Variants in SPHKAP observed in about 807,000 individuals in gnomAD.
SPHKAP encodes the protein A-kinase anchor protein SPHKAP.
A neutral mutation model predicts 137.5 loss-of-function variants in SPHKAP; 67 were observed. The observed-to-expected ratio is 0.49, with a 90% CI of 0.40 to 0.60. The LOEUF (loss-of-function observed/expected upper bound fraction) is 0.60. Among genes scored for constraint, SPHKAP ranks in the 20% least tolerant of loss-of-function variants. The probability of loss-of-function intolerance (pLI) is 0.00; values close to 1 mark genes in which losing one functional copy is unlikely to be tolerated. For missense variants in SPHKAP, 2,097 were observed against 2,069.3 expected, an observed-to-expected ratio of 1.01 and a Z score of -0.26; for synonymous variants, 813 against 785.3, an observed-to-expected ratio of 1.04 and a Z score of -0.59.
chr2:227,994,586 G>A (rs923829149), intron 8 of SPHKAP, among the ~76,000 whole-genome samples: 3 of 152,056 alleles, frequency 2.0e-5, no homozygotes, highest in Non-Finnish European at 2.9e-5. Context: ...GGATGCCCTC[G>A]AATTTAAATT....
At chr2:228,157,835 G>A (rs1015024475) in intron 1 of SPHKAP, among the ~76,000 whole-genome samples, 13 of 152,148 alleles carry the variant, frequency 8.5e-5, no homozygotes, top group African/African-American at 2.4e-4. Flanking sequence ...CCACAGAGGT[G>A]TAGTAGTTGT....
intron 1 of SPHKAP, among the ~76,000 whole-genome samples, chr2:228,154,510 CTCTATATA>C (rs1240252825): frequency 5.3e-5 from 2 of 37,518 alleles, no homozygotes; most frequent in African/African-American, 2.1e-4. Context: ...CTCTCTCTCT[CTCTATATA>C]TATATATATA....
chr2:228,165,048 G>A (rs1408852153), intron 1 of SPHKAP, among the ~76,000 whole-genome samples: 1 of 152,054 alleles, frequency 6.6e-6, no homozygotes, highest in Non-Finnish European at 1.5e-5. Context: ...ATCAATATTA[G>A]TACTGAATAA....
intron 3 of SPHKAP, among the ~76,000 whole-genome samples, chr2:228,079,884 G>C (rs76664130): frequency 6.6e-6 from 1 of 152,262 alleles, no homozygotes; most frequent in South Asian, 2.1e-4. Flanking sequence ...GCCCCTAAAC[G>C]CTAGCAGCAA....
intron 1 of SPHKAP, among the ~76,000 whole-genome samples, chr2:228,139,501 GAT>G (rs1239884780): frequency 6.6e-6 from 1 of 152,088 alleles, no homozygotes; most frequent in Admixed American, 6.5e-5. Context: ...TTTGTAAATT[GAT>G]ATATTATCTC....
At chr2:228,090,822 C>A (rs1056850339) in intron 3 of SPHKAP, among the ~76,000 whole-genome samples, 1 of 151,980 alleles carries the variant, frequency 6.6e-6, no homozygotes, top group Admixed American at 6.6e-5. Context: ...TGCCTTCTGC[C>A]ATGATTGTAA....
rs549740932 is a variant in SPHKAP at position 228,057,016 on chromosome 2, G to A, written c.247-29473C>T. Among the ~76,000 whole-genome samples the A allele has an allele frequency of 1.1e-3, 160 of 152,246 alleles. 2 individuals are homozygous for A. The South Asian group carries it at 0.03, about 29-fold the overall frequency. On this transcript the variant is annotated intron_variant, in intron 3 of 11. Coordinates refer to ENST00000392056, the MANE Select transcript of SPHKAP (RefSeq NM_001142644.2). ...TCTGCATTTGACAACTTAAGCATGC[G>A]CTCTCAAATGCCACTGCACAACAAG... is the stretch of plus-strand genomic sequence containing the variant.
intron 3 of SPHKAP, among the ~76,000 whole-genome samples, chr2:228,035,444 T>C (rs1695548891): frequency 1.3e-5 from 2 of 152,074 alleles, no homozygotes; most frequent in Admixed American, 6.5e-5. Flanking sequence ...ATTGTGAAAA[T>C]GGCCATACTG....
intron 1 of SPHKAP, among the ~76,000 whole-genome samples, chr2:228,176,490 CAGGAGG>C (rs1386241984): frequency 6.6e-6 from 1 of 152,172 alleles, no homozygotes. Context: ...TCAGCACATC[CAGGAGG>C]AGGCAGAGAA....
chr2:227,992,096 C>A (rs1311727783), intron 9 of SPHKAP, among the ~76,000 whole-genome samples: 1 of 152,200 alleles, frequency 6.6e-6, no homozygotes, highest in South Asian at 2.1e-4. Flanking sequence ...ATATGGCCAG[C>A]AGCTGAAAGG....
At chr2:228,035,463 A>G (rs1695550143) in intron 3 of SPHKAP, among the ~76,000 whole-genome samples, 1 of 152,128 alleles carries the variant, frequency 6.6e-6, no homozygotes, top group Non-Finnish European at 1.5e-5. Flanking sequence ...TGCCCAAGGT[A>G]ATTTATAGAT....
intron 3 of SPHKAP, among the ~76,000 whole-genome samples, chr2:228,106,089 A>G (rs1342437252): frequency 6.6e-6 from 1 of 152,196 alleles, no homozygotes; most frequent in Non-Finnish European, 1.5e-5. Flanking sequence ...TTCCCACTGA[A>G]GAAATGACTA....
At chr2:228,156,661 A>G (rs1254982423) in intron 1 of SPHKAP, among the ~76,000 whole-genome samples, 1 of 152,208 alleles carries the variant, frequency 6.6e-6, no homozygotes, top group Non-Finnish European at 1.5e-5. Context: ...CTCATCCTGA[A>G]TTGTAGCTCC....
intron 3 of SPHKAP, among the ~76,000 whole-genome samples, chr2:228,038,457 G>T (rs141138431): frequency 3.3e-5 from 5 of 152,136 alleles, no homozygotes. Context: ...TGCATGAGCT[G>T]GAGAGAAACC....
intron 2 of SPHKAP, among the ~76,000 whole-genome samples, chr2:228,112,642 C>G (rs529892066): frequency 6.6e-6 from 1 of 152,126 alleles, no homozygotes; most frequent in East Asian, 1.9e-4. Flanking sequence ...GCGAAGATTC[C>G]AGAGCTATGA....
intron 3 of SPHKAP, among the ~76,000 whole-genome samples, chr2:228,043,711 T>C (rs989172529): frequency 1.3e-5 from 2 of 152,180 alleles, no homozygotes; most frequent in Non-Finnish European, 2.9e-5. Context: ...AACCTAACTT[T>C]GACTATGGTG....
chr2:228,058,815 T>A (rs1206635615), intron 3 of SPHKAP, among the ~76,000 whole-genome samples: 1 of 152,250 alleles, frequency 6.6e-6, no homozygotes, highest in East Asian at 1.9e-4. Flanking sequence ...TGAATTTACA[T>A]GTAGCATAGC....
At chr2:227,998,127 C>T (rs1693703585) in intron 7 of SPHKAP, among the ~76,000 whole-genome samples, 1 of 152,192 alleles carries the variant, frequency 6.6e-6, no homozygotes, top group Admixed American at 6.5e-5. Flanking sequence ...CTGCCTCGGC[C>T]TCCCAAGTAG....
Position 228,018,668 on chromosome 2 carries a change from C to A in SPHKAP, c.2186G>T (p.Arg729Leu), listed in dbSNP as rs1165113905. ...FTFKKMSHIV[R>L]LGECPAVLSK... ...AAGGACAGCAGGACATTCACCAAGC[C>A]GTACAATATGACTCATCTTCTTGAA... Residue 729 changes from arginine (R) to leucine (L), a missense_variant, in exon 7 of 12, where the codon CGG becomes CTG. Transcript: ENST00000392056. The A allele has an allele frequency of 6.2e-7, 1 of 1,614,100 alleles. No homozygotes were observed. The highest frequency in any genetic ancestry group is 1.3e-5 in the African/African-American group (1 of 75,006).
Sources: gnomAD v4.1 joint callset for allele counts (sites outside exome capture counted in the v4.1 genomes callset) on GRCh38, gnomAD v4.1.1 for gene constraint, MANE v1.5 for transcripts, NCBI Gene and HGNC (gene_info 2026-07-23, HGNC 2026-07-21) for gene names.